Variants in RPH3AL observed in about 807,000 individuals in gnomAD.
The protein encoded by RPH3AL is rabphilin 3A like (without C2 domains).
Under a neutral mutation model 43.1 loss-of-function variants are expected in RPH3AL, and 38 were observed. The observed-to-expected ratio is 0.88, with a 90% CI of 0.68 to 1.15. The LOEUF (loss-of-function observed/expected upper bound fraction) is 1.15. Ranked by LOEUF, RPH3AL falls within the 50% of genes most tolerant of loss-of-function variation. The pLI is 0.00. For missense variants in RPH3AL, 462 were observed against 423.2 expected, an observed-to-expected ratio of 1.09 and a Z score of -0.81; for synonymous variants, 189 against 176.3, an observed-to-expected ratio of 1.07 and a Z score of -0.57.
chr17:329,916 C>A (rs1304983622), intron 2 of RPH3AL, among the ~76,000 whole-genome samples: 1 of 152,214 alleles, frequency 6.6e-6, no homozygotes, highest in Non-Finnish European at 1.5e-5. Flanking sequence ...ATGGTAATTT[C>A]TTAAAGATTA....
chr17:261,118 C>G (rs1011011357), intron 6 of RPH3AL, among the ~76,000 whole-genome samples: 1 of 152,224 alleles, frequency 6.6e-6, no homozygotes, highest in Non-Finnish European at 1.5e-5. Flanking sequence ...AAATAGTCAG[C>G]TGAACACCCA....
intron 2 of RPH3AL, chr17:331,769 G>A (rs2044774493): frequency 7.8e-7 from 1 of 1,288,992 alleles, no homozygotes; most frequent in Admixed American, 2.3e-5. Context: ...GGGCTCAGAG[G>A]GCAGAAAGTC....
intron 6 of RPH3AL, among the ~76,000 whole-genome samples, chr17:249,936 G>A (rs1555541676): frequency 1.3e-5 from 2 of 149,598 alleles, no homozygotes; most frequent in African/African-American, 4.9e-5. Flanking sequence ...CTCCGTCGCT[G>A]CGGGACCTCT....
chr17:235,473 C>T (rs188069790), intron 7 of RPH3AL, among the ~76,000 whole-genome samples: 6 of 68,160 alleles, frequency 8.8e-5, no homozygotes, highest in South Asian at 4.9e-4. Context: ...TGGGGTCGGC[C>T]GAGGCTCTGC....
intron 1 of RPH3AL, among the ~76,000 whole-genome samples, chr17:334,490 C>G (rs4991963): frequency 7.0e-6 from 1 of 142,820 alleles, no homozygotes; most frequent in Non-Finnish European, 1.5e-5. Context: ...CCATCCACTG[C>G]GGAGGGACAG....
intron 6 of RPH3AL, among the ~76,000 whole-genome samples, chr17:249,607 C>T (rs1390913671): frequency 6.7e-6 from 1 of 150,196 alleles, no homozygotes; most frequent in Non-Finnish European, 1.5e-5. Context: ...GATTCTGAGA[C>T]ATTGCTTCCC....
Position 213,826 on chromosome 17 carries a change from G to A in RPH3AL, c.*26C>T. ...GGGTCTGGCAGGAATCCTCCACAGG[G>A]AAGTCTGTTCCAGGCACCAGACACC... On this transcript the variant is annotated 3_prime_UTR_variant, in exon 10 of 10. Coordinates refer to ENST00000331302, the MANE Select transcript of RPH3AL (RefSeq NM_006987.4). The A allele has an allele frequency of 6.3e-7, 1 of 1,599,932 alleles. No individual in the cohort carries two copies. Among genetic ancestry groups the A allele is most frequent in the African/African-American group, 1.3e-5 (1 of 74,752 alleles).
intron 6 of RPH3AL, among the ~76,000 whole-genome samples, chr17:273,436 G>T (rs145682993): frequency 2.3e-4 from 7 of 30,546 alleles, no homozygotes; most frequent in Non-Finnish European, 3.1e-4. Flanking sequence ...CGAGGGCGAC[G>T]TCAGGAAGAG....
chr17:306,211 G>A (rs1422812855), intron 5 of RPH3AL, among the ~76,000 whole-genome samples: 1 of 151,608 alleles, frequency 6.6e-6, no homozygotes, highest in Non-Finnish European at 1.5e-5. Flanking sequence ...GGACTACCTG[G>A]AACACATACC....
At chr17:308,476 G>C (rs1346465688) in intron 5 of RPH3AL, among the ~76,000 whole-genome samples, 1 of 152,206 alleles carries the variant, frequency 6.6e-6, no homozygotes, top group Non-Finnish European at 1.5e-5. Context: ...TCGAAGGCAG[G>C]GTTGCAGAGG....
intron 7 of RPH3AL, among the ~76,000 whole-genome samples, chr17:230,284 G>C (rs1049451751): frequency 5.9e-5 from 9 of 152,354 alleles, no homozygotes; most frequent in Middle Eastern, 3.4e-3. Flanking sequence ...AATCGATAGA[G>C]ATGTGGTCAC....
intron 1 of RPH3AL, among the ~76,000 whole-genome samples, chr17:339,316 C>T (rs2045050796): frequency 6.6e-6 from 1 of 152,224 alleles, no homozygotes; most frequent in African/African-American, 2.4e-5. Context: ...GTGGGGGCCA[C>T]CCCAGAACAT....
chr17:276,659 T>C (rs796902928), intron 6 of RPH3AL, among the ~76,000 whole-genome samples: 38 of 152,320 alleles, frequency 2.5e-4, no homozygotes, highest in African/African-American at 8.7e-4. Flanking sequence ...TCCCAAAATG[T>C]CGGGATTACA....
At chr17:223,816 G>A (rs2041046218) in intron 7 of RPH3AL, among the ~76,000 whole-genome samples, 1 of 152,200 alleles carries the variant, frequency 6.6e-6, no homozygotes, top group Non-Finnish European at 1.5e-5. Context: ...AGCAACCAGA[G>A]GCTGGAGCTG....
chr17:214,312 T>G (rs1264926543), intron 9 of RPH3AL, among the ~76,000 whole-genome samples: 1 of 152,200 alleles, frequency 6.6e-6, no homozygotes, highest in Non-Finnish European at 1.5e-5. Context: ...GGACATTTAC[T>G]GAGGACCTCC....
At chr17:330,894 T>C (rs1235762110) in intron 2 of RPH3AL, 1 of 149,478 alleles carries the variant, frequency 6.7e-6, no homozygotes, top group South Asian at 2.1e-4. Context: ...AAAAAAGATC[T>C]GTGAAATTTT....
intron 7 of RPH3AL, among the ~76,000 whole-genome samples, chr17:244,719 C>A (rs1555539004): frequency 6.6e-6 from 1 of 152,168 alleles, no homozygotes; most frequent in Non-Finnish European, 1.5e-5. Context: ...GGGGCCACTG[C>A]CCTCCTCGCC....
rs75308663 is a variant in RPH3AL at position 249,911 on chromosome 17, A to G, written c.439-2626T>C. 8.1e-3 allele frequency among the ~76,000 whole-genome samples: 1,190 copies of G among 146,392 alleles called. 23 individuals are homozygous for G. The highest frequency in any genetic ancestry group is 0.055 in the Admixed American group (803 of 14,668). ...AAGCTCCGTCACTGTGGGACCTCTC[A>G]GAGCCTTTACTAAGCTCCGTCGCTG... On this transcript the variant is annotated intron_variant, in intron 6 of 9. Transcript: ENST00000331302.
intron 5 of RPH3AL, among the ~76,000 whole-genome samples, chr17:294,938 TG>T (rs2043136852): frequency 2.0e-5 from 1 of 50,032 alleles, no homozygotes; most frequent in Non-Finnish European, 3.8e-5. Context: ...GCTGCAGAAA[TG>T]GATGGACAGA....
Sources: gnomAD v4.1 joint callset for allele counts (sites outside exome capture counted in the v4.1 genomes callset) on GRCh38, gnomAD v4.1.1 for gene constraint, MANE v1.5 for transcripts, NCBI Gene and HGNC (gene_info 2026-07-23, HGNC 2026-07-21) for gene names.